The following OSBPL10 variants were observed in gnomAD, a reference collection of about 807,000 sequenced individuals.
OSBPL10 encodes the protein oxysterol binding protein like 10.
A neutral mutation model predicts 81.7 loss-of-function variants in OSBPL10; 49 were observed. That is an observed-to-expected ratio of 0.60 (90% CI 0.48 to 0.76). The LOEUF is 0.76. OSBPL10 is among the 30% of genes least tolerant of loss of function. OSBPL10 has a pLI of 0.00. For missense variants in OSBPL10, 923 were observed against 987.8 expected, an observed-to-expected ratio of 0.93 and a Z score of 0.88; for synonymous variants, 419 against 383.6, an observed-to-expected ratio of 1.09 and a Z score of -1.08.
chr3:31,670,692 T>G (rs1259478385), intron 9 of OSBPL10, 105 bp downstream of exon 9: 1 of 1,286,318 alleles, frequency 7.8e-7, no homozygotes, highest in Non-Finnish European at 1.1e-6. Flanking sequence ...AAGTTTATCT[T>G]GATTTTCAAC....
chr3:32,040,802 A>G (rs1699567592), intron 2 of OSBPL10, among the ~76,000 whole-genome samples: 1 of 152,166 alleles, frequency 6.6e-6, no homozygotes, highest in Admixed American at 6.6e-5. Context: ...GTGCCACTGC[A>G]CTCCAGCCCT....
intron 4 of OSBPL10, among the ~76,000 whole-genome samples, chr3:31,764,069 GA>G (rs1698134020): frequency 6.6e-6 from 1 of 152,172 alleles, no homozygotes; most frequent in South Asian, 2.1e-4. Flanking sequence ...ACAGAATAAT[GA>G]TATATAATAC....
intron 3 of OSBPL10, among the ~76,000 whole-genome samples, chr3:31,838,489 C>A (rs1044058768): frequency 7.8e-6 from 1 of 127,882 alleles, no homozygotes; most frequent in Non-Finnish European, 1.6e-5. Flanking sequence ...CCAGCCTGGG[C>A]GACAGAGCAA....
intron 6 of OSBPL10, among the ~76,000 whole-genome samples, chr3:31,720,660 A>C (rs914011288): frequency 1.2e-3 from 177 of 152,146 alleles, no homozygotes; most frequent in African/African-American, 4.1e-3. Flanking sequence ...GCACTTTGGG[A>C]GGCCAAGGTG....
chr3:31,705,863 T>C (rs956337338), intron 6 of OSBPL10, among the ~76,000 whole-genome samples: 3 of 152,046 alleles, frequency 2.0e-5, no homozygotes, highest in Admixed American at 6.5e-5. Context: ...CTCTGAAAAA[T>C]ATGAATGTGA....
intron 4 of OSBPL10, among the ~76,000 whole-genome samples, chr3:31,763,861 G>A (rs1035657204): frequency 6.6e-6 from 1 of 152,192 alleles, no homozygotes; most frequent in African/African-American, 2.4e-5. Context: ...AAACTCTGGA[G>A]AGACAAGTGC....
intron 1 of OSBPL10, among the ~76,000 whole-genome samples, chr3:31,919,138 A>G (rs1696839867): frequency 6.6e-6 from 1 of 152,154 alleles, no homozygotes; most frequent in African/African-American, 2.4e-5. Flanking sequence ...CGCCTCTTTC[A>G]TGGACTGTGT....
chr3:31,726,572 C>T (rs1696815269), intron 6 of OSBPL10, among the ~76,000 whole-genome samples: 1 of 152,050 alleles, frequency 6.6e-6, no homozygotes, highest in Non-Finnish European at 1.5e-5. Context: ...CCTCGGCCAC[C>T]CAAAGTGCTG....
At chr3:32,030,794 C>A in intron 2 of OSBPL10, 1 of 573,880 alleles carries the variant, frequency 1.7e-6, no homozygotes, top group Non-Finnish European at 3.1e-6. Flanking sequence ...AACACATTTT[C>A]TCCAACAGCA....
intron 2 of OSBPL10, among the ~76,000 whole-genome samples, chr3:32,040,459 A>AGGTGGC (rs1699564873): frequency 6.6e-6 from 1 of 151,158 alleles, no homozygotes; most frequent in Non-Finnish European, 1.5e-5. Flanking sequence ...ACCTGTAGTC[A>AGGTGGC]CAGCCACTCA....
At chr3:31,759,095 C>CTTTTTTT (rs1559452204) in intron 4 of OSBPL10, among the ~76,000 whole-genome samples, 1 of 152,064 alleles carries the variant, frequency 6.6e-6, no homozygotes, top group African/African-American at 2.4e-5. Context: ...TTAGAAATTC[C>CTTTTTTT]ATTTGTCAGA....
At chr3:31,833,269 C>G (rs36103470) in intron 3 of OSBPL10, among the ~76,000 whole-genome samples, 1 of 152,104 alleles carries the variant, frequency 6.6e-6, no homozygotes, top group Non-Finnish European at 1.5e-5. Context: ...TCTTCATACA[C>G]ACACCTCTAT....
chr3:31,845,768 A>C (rs995368055), intron 3 of OSBPL10, among the ~76,000 whole-genome samples: 10 of 152,162 alleles, frequency 6.6e-5, no homozygotes, highest in African/African-American at 2.2e-4. Flanking sequence ...GAGACAGGGC[A>C]ACATGGGCAA....
chr3:31,895,309 T>C (rs1696022544), intron 1 of OSBPL10, among the ~76,000 whole-genome samples: 1 of 151,520 alleles, frequency 6.6e-6, no homozygotes, highest in South Asian at 2.1e-4. Flanking sequence ...TTTTTTTTTT[T>C]GTATTTTTAG....
chr3:31,798,853 T>C (rs1040405391), intron 4 of OSBPL10, among the ~76,000 whole-genome samples: 2 of 152,122 alleles, frequency 1.3e-5, no homozygotes, highest in African/African-American at 4.8e-5. Context: ...CAATCCCCAA[T>C]CTTTTTGGCA....
intron 1 of OSBPL10, among the ~76,000 whole-genome samples, chr3:31,975,254 G>A (rs1462723478): frequency 1.3e-5 from 2 of 152,026 alleles, no homozygotes; most frequent in African/African-American, 2.4e-5. Context: ...TTAGCACACG[G>A]CCTCAAAACA....
intron 2 of OSBPL10, among the ~76,000 whole-genome samples, chr3:32,014,331 C>G (rs1449169236): frequency 2.0e-5 from 3 of 152,102 alleles, no homozygotes; most frequent in East Asian, 1.9e-4. Flanking sequence ...ATAAACAGAA[C>G]CAATGACAAA....
intron 1 of OSBPL10, among the ~76,000 whole-genome samples, chr3:31,953,534 A>AGCT (rs1306615432): frequency 6.6e-6 from 1 of 151,878 alleles, no homozygotes; most frequent in Non-Finnish European, 1.5e-5. Flanking sequence ...CAGCCTCCTA[A>AGCT]GTAACTGGGA....
chr3:31,773,000 C>CTTT (rs60001546), intron 4 of OSBPL10, among the ~76,000 whole-genome samples: 6 of 138,082 alleles, frequency 4.3e-5, no homozygotes, highest in African/African-American at 1.3e-4. Context: ...CGTGACCAAA[C>CTTT]TTTTTTTTTT....
Sources: allele counts gnomAD v4.1 joint callset (sites outside exome capture counted in the v4.1 genomes callset), GRCh38; gene constraint gnomAD v4.1.1; transcripts MANE v1.5; gene names NCBI Gene and HGNC (gene_info 2026-07-23, HGNC 2026-07-21).